The following JAK2 variants were observed in gnomAD, a reference collection of about 807,000 sequenced individuals.
JAK2 encodes the protein tyrosine-protein kinase JAK2.
JAK2 carries 86 observed loss-of-function variants against 139.3 expected under a neutral mutation model. The observed-to-expected ratio is 0.62, with a 90% confidence interval of 0.52 to 0.74. The LOEUF (loss-of-function observed/expected upper bound fraction) is 0.74, where lower values mean the gene tolerates loss of function less well. Ranked by LOEUF, JAK2 falls within the 30% of genes least tolerant of loss-of-function variation. The pLI is 0.00. For missense variants in JAK2, 1,421 were observed against 1,360.3 expected (o/e 1.04, Z -0.70); for synonymous variants, 490 against 437.7 (o/e 1.12, Z -1.49).
chr9:5,052,417 C>G (rs979908934), intron 6 of JAK2, among the ~76,000 whole-genome samples: 1 of 151,694 alleles, frequency 6.6e-6, no homozygotes, highest in Admixed American at 6.6e-5. Context: ...TTTTTTTTTA[C>G]TGCTTTACTT....
At chr9:5,104,996 C>CA (rs1419260220) in intron 22 of JAK2, among the ~76,000 whole-genome samples, 1 of 152,160 alleles carries the variant, frequency 6.6e-6, no homozygotes, top group African/African-American at 2.4e-5. Context: ...TGAAAACTGG[C>CA]AAAAGACAAG....
At chr9:5,021,055 G>A (rs187862926) in intron 2 of JAK2, among the ~76,000 whole-genome samples, 32 of 152,206 alleles carry the variant, frequency 2.1e-4, no homozygotes, top group South Asian at 4.1e-4. Context: ...CTTGTGTCTG[G>A]GATTGCAGGA....
At chr9:5,024,118 T>C (rs760563676) in intron 3 of JAK2, among the ~76,000 whole-genome samples, 7 of 152,016 alleles carry the variant, frequency 4.6e-5, no homozygotes, top group Non-Finnish European at 1.0e-4. Context: ...TAGCCAGGTG[T>C]GGTGGTGGGC....
At chr9:5,107,168 T>G (rs960063884) in intron 22 of JAK2, among the ~76,000 whole-genome samples, 2 of 152,162 alleles carry the variant, frequency 1.3e-5, no homozygotes, top group Admixed American at 1.3e-4. Flanking sequence ...TCTTTTAGTA[T>G]AAAGAGTACC....
At chr9:5,087,906 T>A (rs1045736526) in intron 19 of JAK2, among the ~76,000 whole-genome samples, 1 of 152,258 alleles carries the variant, frequency 6.6e-6, no homozygotes, top group South Asian at 2.1e-4. Flanking sequence ...GTTTCCAATG[T>A]TAAAATTAGT....
chr9:5,069,200 A>T lies in JAK2; in HGVS notation c.1505A>T (p.Lys502Met). The T allele has an allele frequency of 6.3e-7, 1 of 1,597,656 alleles. No homozygotes were observed. The highest frequency in any genetic ancestry group is 8.5e-7 in the Non-Finnish European group (1 of 1,173,240). ...IFQFTKCCPP[K>M]PKDKSNLLVF... is the part of the protein sequence containing the mutation. ...CAGTTTACTAAATGCTGTCCCCCAAAGCCAAAAGGTAAGATAATTTTCTAG... is the reference window on the plus strand; with the variant it reads ...CAGTTTACTAAATGCTGTCCCCCAATGCCAAAAGGTAAGATAATTTTCTAG... The change falls in exon 11 of 25, where the codon AAG becomes ATG. Residue 502 changes from lysine to methionine, a missense_variant. Transcript: ENST00000381652.
At chr9:5,001,970 C>T (rs997821611) in intron 2 of JAK2, among the ~76,000 whole-genome samples, 33 of 151,992 alleles carry the variant, frequency 2.2e-4, no homozygotes, top group African/African-American at 5.1e-4. Flanking sequence ...TGAAGTTGCT[C>T]CTATCTTTTT....
chr9:5,077,764 G>A (rs1275639885), intron 15 of JAK2, among the ~76,000 whole-genome samples, 184 bp downstream of exon 15: 3 of 151,862 alleles, frequency 2.0e-5, no homozygotes, highest in Non-Finnish European at 4.4e-5. Context: ...AATCACTTTT[G>A]AAAAAAAAGT....
rs575440013 is a variant in JAK2, at chr9:5,064,335, G to C, written c.1057-548G>C. Among the ~76,000 whole-genome samples the C allele has an allele frequency of 5.3e-5, 8 of 152,258 alleles. No individual in the cohort carries two copies. In the South Asian group the frequency reaches 1.7e-3, roughly 32 times the overall value. On this transcript the variant is annotated intron_variant, in intron 8 of 24. Transcript: ENST00000381652. ...ACTTGAGGTCAGGAGTTGGAGACCA[G>C]CCTGGCCAACATGGCGAGAACCTGT...
chr9:5,038,797 A>G (rs1405531584), intron 4 of JAK2, among the ~76,000 whole-genome samples: 3 of 152,136 alleles, frequency 2.0e-5, no homozygotes, highest in Non-Finnish European at 4.4e-5. Context: ...TTATAAAAAG[A>G]TGAAATACTA....
chr9:4,994,960 C>G (rs904840288), intron 2 of JAK2, among the ~76,000 whole-genome samples: 3 of 150,328 alleles, frequency 2.0e-5, no homozygotes, highest in Non-Finnish European at 4.4e-5. Flanking sequence ...GTGTGTGTGA[C>G]TATAACTAAA....
At chr9:5,006,586 A>G (rs1278074939) in intron 2 of JAK2, among the ~76,000 whole-genome samples, 3 of 152,234 alleles carry the variant, frequency 2.0e-5, no homozygotes, top group Non-Finnish European at 4.4e-5. Context: ...ATTTACAATC[A>G]TGGTAGAAGG....
At chr9:4,997,001 C>T (rs998095504) in intron 2 of JAK2, among the ~76,000 whole-genome samples, 2 of 146,470 alleles carry the variant, frequency 1.4e-5, no homozygotes, top group African/African-American at 5.0e-5. Flanking sequence ...GATCACGGCT[C>T]ACTGCAGCCT....
At chr9:5,126,468 A>T in intron 24 of JAK2, 22 bp downstream of exon 24, 1 of 1,481,144 alleles carries the variant, frequency 6.8e-7, no homozygotes, top group Non-Finnish European at 9.4e-7. Flanking sequence ...TTTTTAATCC[A>T]GGGTAGTCAT....
chr9:5,108,979 G>A (rs1250026766), intron 22 of JAK2: 4 of 152,158 alleles, frequency 2.6e-5, no homozygotes, highest in Middle Eastern at 3.4e-3. Flanking sequence ...TCCTCCCACT[G>A]ATATAGCCTC....
intron 5 of JAK2, among the ~76,000 whole-genome samples, chr9:5,050,247 T>C (rs1036942629): frequency 2.0e-5 from 3 of 152,230 alleles, no homozygotes; most frequent in African/African-American, 7.2e-5. Context: ...TTATTAAAAT[T>C]GTATCGCAAA....
chr9:5,018,832 G>C (rs919445680), intron 2 of JAK2, among the ~76,000 whole-genome samples: 1 of 151,976 alleles, frequency 6.6e-6, no homozygotes, highest in East Asian at 1.9e-4. Flanking sequence ...TTCATATATC[G>C]TTCCATTCTC....
chr9:5,008,011 G>A (rs1037691963), intron 2 of JAK2, among the ~76,000 whole-genome samples: 2 of 152,124 alleles, frequency 1.3e-5, no homozygotes, highest in Admixed American at 6.5e-5. Context: ...TTACAGGCAT[G>A]AGCCACCGCG....
At chr9:5,013,334 A>G (rs968842723) in intron 2 of JAK2, among the ~76,000 whole-genome samples, 3 of 152,262 alleles carry the variant, frequency 2.0e-5, no homozygotes, top group African/African-American at 7.2e-5. Context: ...AAAACATAGT[A>G]TATCTACTTG....
Sources: gnomAD v4.1 joint callset for allele counts (sites outside exome capture counted in the v4.1 genomes callset) on GRCh38, gnomAD v4.1.1 for gene constraint, MANE v1.5 for transcripts, NCBI Gene and HGNC (gene_info 2026-07-23, HGNC 2026-07-21) for gene names.